The following EPB41L5 variants were observed in gnomAD, a reference collection of about 807,000 sequenced individuals.
EPB41L5 encodes the protein erythrocyte membrane protein band 4.1 like 5.
EPB41L5 carries 55 observed loss-of-function variants against 106.6 expected under a neutral mutation model. That is an observed-to-expected ratio of 0.52 (90% CI 0.42 to 0.65). The LOEUF is 0.65. Ranked by LOEUF, EPB41L5 falls within the 30% of genes least tolerant of loss-of-function variation. The probability of loss-of-function intolerance (pLI) is 0.00; values close to 1 mark genes in which losing one functional copy is unlikely to be tolerated. For missense variants in EPB41L5, 871 were observed against 882.1 expected (o/e 0.99, Z 0.16); for synonymous variants, 297 against 306.7 (o/e 0.97, Z 0.33).
chr2:120,033,464 T>C (rs1047895230), intron 2 of EPB41L5, among the ~76,000 whole-genome samples: 1 of 152,072 alleles, frequency 6.6e-6, no homozygotes, highest in Non-Finnish European at 1.5e-5. Context: ...TCCCAGCACT[T>C]TGGGAGGCCA....
intron 16 of EPB41L5, chr2:120,105,289 A>G (rs1484268230): frequency 2.1e-6 from 2 of 963,380 alleles, no homozygotes; most frequent in Non-Finnish European, 1.2e-6. Context: ...TATTTTAGAA[A>G]AATTTTCAAA....
At chr2:120,159,274 A>AG (rs1491383841) in intron 20 of EPB41L5, among the ~76,000 whole-genome samples, 1 of 146,302 alleles carries the variant, frequency 6.8e-6, no homozygotes, top group Admixed American at 6.9e-5. Context: ...AAAAAAAAAA[A>AG]CAGCCGGGTG....
At chr2:120,141,927 G>C (rs201004845) in intron 18 of EPB41L5, among the ~76,000 whole-genome samples, 7 of 151,974 alleles carry the variant, frequency 4.6e-5, no homozygotes, top group Non-Finnish European at 1.0e-4. Context: ...CAAGGAAGTA[G>C]CAAGTTTTCC....
intron 19 of EPB41L5, among the ~76,000 whole-genome samples, 166 bp downstream of exon 19, chr2:120,143,297 A>T (rs879081898): frequency 6.6e-6 from 1 of 152,132 alleles, no homozygotes; most frequent in South Asian, 2.1e-4. Flanking sequence ...TAAAAAAGCC[A>T]AATTTGTATA....
Position 120,175,029 on chromosome 2 carries a change from G to T in EPB41L5, c.*122G>T. ...GGTAAAAAAAGCTGCACGTAGATTT[G>T]ACTTCAACTCCGTAAAAAAGACAGC... On this transcript the variant is annotated 3_prime_UTR_variant, in exon 25 of 25. Transcript: ENST00000263713. 2.1e-6 allele frequency: 2 copies of T among 938,674 alleles called. No individual in the cohort carries two copies. The highest frequency in any genetic ancestry group is 2.6e-5 in the South Asian group (2 of 75,940). 58.1% of individuals were successfully genotyped at this position (938,674 alleles called of 1,614,324 possible).
intron 20 of EPB41L5, among the ~76,000 whole-genome samples, chr2:120,157,209 A>G (rs1686938338): frequency 6.6e-6 from 1 of 152,190 alleles, no homozygotes; most frequent in South Asian, 2.1e-4. Flanking sequence ...AATAAAAATA[A>G]GGCAGAAGTC....
chr2:120,060,744 T>G (rs1680981199), intron 3 of EPB41L5, among the ~76,000 whole-genome samples: 1 of 152,210 alleles, frequency 6.6e-6, no homozygotes, highest in South Asian at 2.1e-4. Context: ...GAACTATACA[T>G]GCACATTGTA....
chr2:120,121,220 T>C (rs149129250), intron 16 of EPB41L5, among the ~76,000 whole-genome samples: 2 of 152,332 alleles, frequency 1.3e-5, no homozygotes, highest in Non-Finnish European at 2.9e-5. Flanking sequence ...TATTTTTTAT[T>C]ATACTTAAGT....
intron 16 of EPB41L5, among the ~76,000 whole-genome samples, chr2:120,119,260 C>A (rs924909899): frequency 6.6e-6 from 1 of 151,988 alleles, no homozygotes; most frequent in African/African-American, 2.4e-5. Context: ...AAAATCTTCT[C>A]CCATTCTGTA....
chr2:120,042,751 T>C (rs1177644031), intron 3 of EPB41L5, among the ~76,000 whole-genome samples: 1 of 152,124 alleles, frequency 6.6e-6, no homozygotes, highest in African/African-American at 2.4e-5. Context: ...TATTAAATAA[T>C]AAATTGGCAA....
At chr2:120,151,659 C>G (rs1686684622) in intron 20 of EPB41L5, among the ~76,000 whole-genome samples, 1 of 146,534 alleles carries the variant, frequency 6.8e-6, no homozygotes, top group South Asian at 2.2e-4. Flanking sequence ...TCTTGTCACC[C>G]AGGCTGGAAT....
chr2:120,074,267 T>TA, intron 5 of EPB41L5, 89 bp downstream of exon 5: 1 of 948,824 alleles, frequency 1.1e-6, no homozygotes, highest in Non-Finnish European at 1.6e-6. Context: ...AGCCAGCTAA[T>TA]AAAATGGATT....
At chr2:120,045,622 A>G (rs1467705372) in intron 3 of EPB41L5, among the ~76,000 whole-genome samples, 1 of 151,994 alleles carries the variant, frequency 6.6e-6, no homozygotes, top group Non-Finnish European at 1.5e-5. Context: ...TGTTTTTTAT[A>G]CCCAAAAGAT....
intron 20 of EPB41L5, among the ~76,000 whole-genome samples, chr2:120,153,901 C>CA (rs1686786426): frequency 2.6e-5 from 4 of 152,276 alleles, no homozygotes; most frequent in South Asian, 2.1e-4. Flanking sequence ...CATAGTGAGG[C>CA]TTGTAGATAA....
intron 16 of EPB41L5, chr2:120,106,215 A>G (rs1684445474): frequency 1.0e-6 from 1 of 985,366 alleles, no homozygotes. Context: ...GATGAGAGAA[A>G]CTGGATTGGA....
chr2:120,050,899 CT>C (rs952258727), intron 3 of EPB41L5, among the ~76,000 whole-genome samples: 4 of 152,196 alleles, frequency 2.6e-5, no homozygotes, highest in African/African-American at 9.7e-5. Context: ...AGCTGCAGGT[CT>C]GTTGGAGTTT....
At chr2:120,146,358 C>T (rs1015406878) in intron 20 of EPB41L5, 69 bp downstream of exon 20, 2 of 1,149,572 alleles carry the variant, frequency 1.7e-6, no homozygotes, top group Non-Finnish European at 2.6e-6. Flanking sequence ...TCTTCTCAGT[C>T]TGTCACCACA....
At chr2:120,102,813 C>T (rs1439321213) in intron 16 of EPB41L5, among the ~76,000 whole-genome samples, 3 of 152,152 alleles carry the variant, frequency 2.0e-5, no homozygotes, top group Non-Finnish European at 4.4e-5. Flanking sequence ...TAAAATTTCA[C>T]TTTTTGAGAA....
At chr2:120,086,960 A>C (rs548959400) in intron 10 of EPB41L5, among the ~76,000 whole-genome samples, 1 of 152,140 alleles carries the variant, frequency 6.6e-6, no homozygotes, top group Non-Finnish European at 1.5e-5. Context: ...GATATGTGCA[A>C]CCTCAATTTT....
Sources: allele counts gnomAD v4.1 joint callset (sites outside exome capture counted in the v4.1 genomes callset), GRCh38; gene constraint gnomAD v4.1.1; transcripts MANE v1.5; gene names NCBI Gene and HGNC (gene_info 2026-07-23, HGNC 2026-07-21).